SH2B3: variants seen among roughly 807,000 people sequenced by gnomAD.
SH2B3 encodes the protein SH2B adaptor protein 3.
In SH2B3, 43 loss-of-function variants were observed where a neutral mutation model predicts 51.9. The ratio of observed to expected loss-of-function variants is 0.83; its 90% CI spans 0.65 to 1.07. The LOEUF is 1.07. Among genes scored for constraint, SH2B3 ranks in the 50% least tolerant of loss-of-function variants. The pLI, the probability that SH2B3 is intolerant of heterozygous loss-of-function variation, is 0.00. For missense variants in SH2B3, 952 were observed against 834.3 expected, an observed-to-expected ratio of 1.14 and a Z score of -1.74; for synonymous variants, 396 against 376.0, an observed-to-expected ratio of 1.05 and a Z score of -0.62.
chr12:111,406,771 G>A lies in SH2B3; in HGVS notation c.-28+494G>A, dbSNP rs548197507. ...CGGGCCATGTGGCTAAGAGGGTAGC[G>A]CCCTGATTCAGGAAGCCCCTCTCCC... is the stretch of plus-strand genomic sequence containing the variant. On this transcript the variant is annotated intron_variant, in intron 1 of 7. Transcript: ENST00000341259. This position sits in a 1 kb window ranked among gnomAD's most constrained non-coding sequence, Gnocchi z 5.7. Among the ~76,000 whole-genome samples the A allele has an allele frequency of 2.6e-5, 4 of 152,330 alleles. No homozygotes were observed. The South Asian group carries it at 8.3e-4, about 32-fold the overall frequency.
chr12:111,446,137 C>A lies in SH2B3; in HGVS notation c.733-616C>A, dbSNP rs577800998. 7.9e-5 allele frequency among the ~76,000 whole-genome samples: 12 copies of A among 152,338 alleles called. 2 individuals are homozygous for A. The highest frequency in any genetic ancestry group is 2.9e-4 in the African/African-American group (12 of 41,576). On this transcript the variant is annotated intron_variant, in intron 2 of 7. Coordinates refer to ENST00000341259, the MANE Select transcript of SH2B3 (RefSeq NM_005475.3). ...TCACAAGAGGAAGGGGAGGGGCAAA[C>A]CCCCTCCTGAGCAGATTCCCAACCG... is the stretch of plus-strand genomic sequence containing the variant.
At position 111,406,133 on chromosome 12, in the gene SH2B3, C is replaced by T. The variant is rs1870223991; in HGVS notation, c.-172C>T. 1 of 151,968 alleles carries T rather than the reference C, an allele frequency of 6.6e-6. No individual in the cohort carries two copies. The highest frequency in any genetic ancestry group is 2.1e-4 in the South Asian group (1 of 4,834). 9.4% of individuals were successfully genotyped at this position (151,968 alleles called of 1,614,324 possible). On this transcript the variant is annotated 5_prime_UTR_variant, in exon 1 of 8. Coordinates refer to ENST00000341259, the MANE Select transcript of SH2B3 (RefSeq NM_005475.3). This position sits in a 1 kb window ranked among gnomAD's most constrained non-coding sequence, Gnocchi z 5.7. ...CCGAGCCCGGGTTTCCTGCCTGAGC[C>T]CCGCTCGAGCGAGCCGCGAGCGAGG... is the stretch of plus-strand genomic sequence containing the variant.
In SH2B3 at chr12:111,448,226, G is replaced by A. The variant is rs746753026; in HGVS notation, c.1652G>A (p.Arg551Gln). The A allele has an allele frequency of 1.9e-5, 31 of 1,614,018 alleles. No homozygotes were observed. Among genetic ancestry groups the A allele is most frequent in the South Asian group, 1.4e-4 (13 of 91,076 alleles). Residue 551 changes from arginine to glutamine, a missense_variant, in exon 8 of 8, where the codon CGG becomes CAG. Arg to Gln is a conservative substitution (Grantham distance 43). Transcript: ENST00000341259. ...GAGCATGAGCCTGTGAATCGAGCCC[G>A]GGACTCGGACTACGAAATGGACTCA... ...HLEHEPVNRARDSDYEMDSSS... is the reference protein window; with the variant it reads ...HLEHEPVNRAQDSDYEMDSSS...
chr12:111,418,217 G>T lies in SH2B3; in HGVS notation c.72G>T (p.Arg24=), dbSNP rs907872636. The T allele has an allele frequency of 1.9e-6, 3 of 1,582,146 alleles. No individual in the cohort carries two copies. The highest frequency in any genetic ancestry group is 1.1e-5 in the South Asian group (1 of 88,922). ...CAGCCTCCCCGGCGGCGGCCCCGCGGGGCTGGAGCGAGTTCTGTGAGTTGC... is the reference window on the plus strand; with the variant it reads ...CAGCCTCCCCGGCGGCGGCCCCGCGTGGCTGGAGCGAGTTCTGTGAGTTGC... ...APSASPAAAP[R]GWSEFCELHA... Residue 24 remains arginine, a synonymous_variant, in exon 2 of 8, where the codon CGG becomes CGT. Transcript: ENST00000341259. This position sits in a 1 kb window ranked among gnomAD's most constrained non-coding sequence, Gnocchi z 6.7.
In SH2B3 at chr12:111,410,111, C is replaced by T. The variant is rs1374394741; in HGVS notation, c.-28+3834C>T. Among the ~76,000 whole-genome samples the T allele has an allele frequency of 6.6e-6, 1 of 152,158 alleles. No individual in the cohort carries two copies. Among genetic ancestry groups the T allele is most frequent in the African/African-American group, 2.4e-5 (1 of 41,444 alleles). ...CCAGGACATGTGTCCCCAGGGAGGC[C>T]TGGGAGGAAGGAAGTCTATGCCCTC... On this transcript the variant is annotated intron_variant, in intron 1 of 7. Coordinates refer to ENST00000341259, the MANE Select transcript of SH2B3 (RefSeq NM_005475.3). This position sits in a 1 kb window ranked among gnomAD's most constrained non-coding sequence, Gnocchi z 4.9.
At chr12:111,441,794 G>A (rs764956910) in intron 2 of SH2B3, among the ~76,000 whole-genome samples, 21 of 152,250 alleles carry the variant, frequency 1.4e-4, no homozygotes, top group Admixed American at 4.6e-4. Context: ...GTCCTCTCTC[G>A]GAGAATCCTT....
Position 111,405,999 on chromosome 12 carries a change from G to A in SH2B3, c.-306G>A, listed in dbSNP as rs1039073828. Reference sequence around the variant, plus strand: ...CCCGCCCGGACTGTCGCGGCCCGCGGTGGCGACGGCGGCCGCTGCAAAGTT... The same window carrying A: ...CCCGCCCGGACTGTCGCGGCCCGCGATGGCGACGGCGGCCGCTGCAAAGTT... On this transcript the variant is annotated 5_prime_UTR_variant, in exon 1 of 8. In the 5' UTR this introduces an upstream ATG that the reference lacks. Coordinates refer to ENST00000341259, the MANE Select transcript of SH2B3 (RefSeq NM_005475.3). This position sits in a 1 kb window ranked among gnomAD's most constrained non-coding sequence, Gnocchi z 5.4. 1 of 151,652 alleles carries A rather than the reference G, an allele frequency of 6.6e-6. No individual in the cohort carries two copies. Among genetic ancestry groups the A allele is most frequent in the Non-Finnish European group, 1.5e-5 (1 of 67,884 alleles). 9.4% of individuals were successfully genotyped at this position (151,652 alleles called of 1,614,324 possible). A position where few individuals can be genotyped will look rare whatever the true frequency, so the allele number is the denominator to read the frequency against.
chr12:111,431,472 T>C (rs1198207210), intron 2 of SH2B3, among the ~76,000 whole-genome samples: 1 of 151,702 alleles, frequency 6.6e-6, no homozygotes. Flanking sequence ...ATAAAGCTCA[T>C]GGCAGAAACT....
intron 2 of SH2B3, chr12:111,443,744 C>T (rs1873656932): frequency 1.3e-5 from 2 of 152,210 alleles, no homozygotes; most frequent in South Asian, 2.1e-4. Context: ...ACTCACCGGC[C>T]TGTTAACAGC....
rs1237451925 is a variant in SH2B3 at position 111,410,341 on chromosome 12, CATGTCCCTCCTG to C, written c.-28+4072_-28+4083del. ...GAGGCGAGGTAATTGAGGGCTTACG[CATGTCCCTCCTG>C]ATGTCCCCAAGTAGCACGTGGGGAG... On this transcript the variant is annotated intron_variant, in intron 1 of 7. Transcript: ENST00000341259. This position sits in a 1 kb window ranked among gnomAD's most constrained non-coding sequence, Gnocchi z 4.9. Among the ~76,000 whole-genome samples, 1 of 152,176 alleles carries C rather than the reference CATGTCCCTCCTG, an allele frequency of 6.6e-6. No individual in the cohort carries two copies. Among genetic ancestry groups the C allele is most frequent in the African/African-American group, 2.4e-5 (1 of 41,458 alleles).
At chr12:111,436,461 G>A (rs945041334) in intron 2 of SH2B3, among the ~76,000 whole-genome samples, 4 of 152,152 alleles carry the variant, frequency 2.6e-5, no homozygotes, top group African/African-American at 7.2e-5. Context: ...CACCATAGCC[G>A]ACTCGAGAGT....
rs1227519535 is a variant in SH2B3 at position 111,449,140 on chromosome 12, TAGG to T, written c.*842_*844del. The T allele has an allele frequency of 6.6e-6, 1 of 152,626 alleles. No homozygotes were observed. Among genetic ancestry groups the T allele is most frequent in the Non-Finnish European group, 1.5e-5 (1 of 68,046 alleles). 9.5% of individuals were successfully genotyped at this position (152,626 alleles called of 1,614,324 possible). The stretch of plus-strand genomic sequence containing the variant: ...AGGGAAATTCAGGCAATTACTGAAA[TAGG>T]AGGGTGGCAAGAACAGTTCTATCCT... On this transcript the variant is annotated 3_prime_UTR_variant, in exon 8 of 8. Coordinates refer to ENST00000341259, the MANE Select transcript of SH2B3 (RefSeq NM_005475.3).
chr12:111,421,229 A>G (rs1593042097), intron 2 of SH2B3, among the ~76,000 whole-genome samples: 1 of 151,298 alleles, frequency 6.6e-6, no homozygotes. Flanking sequence ...TGTAGCCTCA[A>G]CCTCCCAGCC....
chr12:111,413,663 G>A (rs1419286498), intron 1 of SH2B3, among the ~76,000 whole-genome samples: 2 of 152,222 alleles, frequency 1.3e-5, no homozygotes, highest in African/African-American at 4.8e-5. Flanking sequence ...CATGCTGGTT[G>A]CCACGCATCT....
In SH2B3 at chr12:111,418,920, C is replaced by A; in HGVS notation, c.732+43C>A. ...GCGGGGTTGCGCACTGCACTGCGCC[C>A]TTCGCCTTCACCCTGGGGAGAGCGC... is the stretch of plus-strand genomic sequence containing the variant. On this transcript the variant is annotated intron_variant, in intron 2 of 7. Transcript: ENST00000341259. This position sits in a 1 kb window ranked among gnomAD's most constrained non-coding sequence, Gnocchi z 6.7. 7.3e-7 allele frequency: 1 copy of A among 1,363,098 alleles called. No individual in the cohort carries two copies. The highest frequency in any genetic ancestry group is 1.7e-5 in the South Asian group (1 of 59,026). 84.4% of individuals were successfully genotyped at this position (1,363,098 alleles called of 1,614,324 possible). A position where few individuals can be genotyped will look rare whatever the true frequency, so the allele number is the denominator to read the frequency against.
chr12:111,414,994 A>G (rs1233509349), intron 1 of SH2B3, among the ~76,000 whole-genome samples: 1 of 152,200 alleles, frequency 6.6e-6, no homozygotes, highest in African/African-American at 2.4e-5. Context: ...CTGGGAGAGC[A>G]GTGTTCGTCT....
intron 1 of SH2B3, among the ~76,000 whole-genome samples, chr12:111,417,790 C>T (rs1871196219): frequency 6.6e-6 from 1 of 152,118 alleles, no homozygotes; most frequent in South Asian, 2.1e-4. Flanking sequence ...TGAGGTACAA[C>T]ATACCATCTA....
At position 111,446,840 on chromosome 12, in the gene SH2B3, A is replaced by G. The variant is rs1874017708; in HGVS notation, c.820A>G (p.Thr274Ala). The G allele has an allele frequency of 6.2e-7, 1 of 1,600,028 alleles. No individual in the cohort carries two copies. Among genetic ancestry groups the G allele is most frequent in the Non-Finnish European group, 8.5e-7 (1 of 1,170,700 alleles). The change falls in exon 3 of 8, where the codon ACC becomes GCC. Residue 274 changes from threonine (T) to alanine (A), a missense_variant. Transcript: ENST00000341259. ...GCTTGAGATGCCTGACAACCTTTAC[A>G]CCTTTGTGCTGAAGGTGAGTGACAA... is the stretch of plus-strand genomic sequence containing the variant. ...TRLEMPDNLY[T>A]FVLKVKDRTD... is the part of the protein sequence containing the mutation.
chr12:111,446,641 T>TGG, intron 2 of SH2B3, 112 bp from the exon 3 acceptor site: 1 of 633,180 alleles, frequency 1.6e-6, no homozygotes. Flanking sequence ...AGCAACACCA[T>TGG]GGATACTCTC....
Sources: gnomAD v4.1 joint callset for allele counts (sites outside exome capture counted in the v4.1 genomes callset) on GRCh38, gnomAD v4.1.1 for gene constraint, Gnocchi (gnomAD v3.1) non-coding constraint, MANE v1.5 for transcripts, NCBI Gene and HGNC (gene_info 2026-07-23, HGNC 2026-07-21) for gene names.